Variants in PDS5A observed in about 807,000 individuals in gnomAD.
PDS5A encodes PDS5 cohesin associated factor A, also known as sister chromatid cohesion protein PDS5 homolog A.
A neutral mutation model predicts 167.1 loss-of-function variants in PDS5A; 42 were observed. That is an observed-to-expected ratio of 0.25 (90% CI 0.20 to 0.33). The LOEUF (loss-of-function observed/expected upper bound fraction) is 0.33. PDS5A is among the 10% of genes least tolerant of loss of function. The pLI is 1.00. For missense variants in PDS5A, 1,033 were observed against 1,605.9 expected (o/e 0.64, Z 6.10); for synonymous variants, 553 against 554.6 (o/e 1.00, Z 0.04).
At chr4:39,851,923 G>A (rs1163198032) in intron 26 of PDS5A, among the ~76,000 whole-genome samples, 1 of 152,168 alleles carries the variant, frequency 6.6e-6, no homozygotes, top group Non-Finnish European at 1.5e-5. Context: ...AGTTTTAGGG[G>A]ATAAGGTGAG....
intron 31 of PDS5A, among the ~76,000 whole-genome samples, chr4:39,839,575 T>C (rs1417268611): frequency 6.6e-6 from 1 of 151,810 alleles, no homozygotes; most frequent in African/African-American, 2.4e-5. Context: ...TCTCAAAAAG[T>C]ATCCTCATGT....
In PDS5A at chr4:39,917,158, A is replaced by G; in HGVS notation, c.766T>C (p.Ser256Pro). 1 of 1,567,324 alleles carries G rather than the reference A, an allele frequency of 6.4e-7. No homozygotes were observed. Among genetic ancestry groups the G allele is most frequent in the Non-Finnish European group, 8.6e-7 (1 of 1,161,766 alleles). ...FFNQVLVLGR[S>P]SVSDLSEHVF... The stretch of plus-strand genomic sequence containing the variant: ...TGTTCTGACAAATCACTTACTGATG[A>G]TCTTCCCAGCACCAGGACTTGATTG... The change falls in exon 8 of 33, where the codon TCA (serine) becomes CCA (proline). Residue 256 changes from serine to proline, a missense_variant. Transcript: ENST00000303538.
At chr4:39,918,614 G>A (rs959319866) in intron 7 of PDS5A, among the ~76,000 whole-genome samples, 3 of 152,164 alleles carry the variant, frequency 2.0e-5, no homozygotes, top group African/African-American at 7.2e-5. Context: ...AGTACTTTGG[G>A]AGTCTGGGGC....
intron 2 of PDS5A, chr4:39,973,619 C>T (rs1730781449): frequency 6.2e-6 from 8 of 1,295,322 alleles, no homozygotes; most frequent in East Asian, 2.3e-5. Flanking sequence ...GAAGAAGCCA[C>T]TAAAGCAGTT....
chr4:39,863,792 G>A (rs1417499269), intron 23 of PDS5A, among the ~76,000 whole-genome samples: 6 of 152,132 alleles, frequency 3.9e-5, no homozygotes, highest in Admixed American at 2.6e-4. Context: ...TACATCAGGA[G>A]CTGTATCCCT....
chr4:39,962,348 G>T (rs1221375384), intron 2 of PDS5A, among the ~76,000 whole-genome samples: 1 of 151,950 alleles, frequency 6.6e-6, no homozygotes, highest in Non-Finnish European at 1.5e-5. Context: ...AAGCCACCGC[G>T]CCCGGCCTCT....
rs1723805465 is a variant in PDS5A at position 39,910,671 on chromosome 4, C to A, written c.993-333G>T. 2.0e-5 allele frequency among the ~76,000 whole-genome samples: 3 copies of A among 152,178 alleles called. No individual in the cohort carries two copies. The South Asian group carries it at 6.2e-4, about 32-fold the overall frequency. Reference sequence around the variant, plus strand: ...ATTATGCTACAAAGTAAAAAATATTCAAAACACACAAAATCAGTTTGAAGA... The same window carrying A: ...ATTATGCTACAAAGTAAAAAATATTAAAAACACACAAAATCAGTTTGAAGA... On this transcript the variant is annotated intron_variant, in intron 9 of 32. Transcript: ENST00000303538.
intron 23 of PDS5A, 75 bp downstream of exon 23, chr4:39,866,786 T>C (rs905228451): frequency 1.7e-5 from 22 of 1,289,822 alleles, no homozygotes; most frequent in Non-Finnish European, 2.3e-5. Context: ...TCAGTATTCA[T>C]TAGGTAAATA....
intron 6 of PDS5A, 91 bp downstream of exon 6, chr4:39,922,531 G>A: frequency 9.0e-7 from 1 of 1,109,514 alleles, no homozygotes; most frequent in Middle Eastern, 2.2e-4. Context: ...ACAATTACAT[G>A]GGATTGCAAA....
chr4:39,969,035 A>C (rs1434660290), intron 2 of PDS5A, among the ~76,000 whole-genome samples: 1 of 152,216 alleles, frequency 6.6e-6, no homozygotes, highest in African/African-American at 2.4e-5. Flanking sequence ...TAGGCATCCC[A>C]AAGTGCTGGG....
intron 9 of PDS5A, among the ~76,000 whole-genome samples, chr4:39,910,697 A>G (rs752051422): frequency 3.3e-4 from 50 of 152,286 alleles, no homozygotes; most frequent in Non-Finnish European, 4.6e-4. Flanking sequence ...AGTTTGAAGA[A>G]TAAGTTTATA....
intron 17 of PDS5A, among the ~76,000 whole-genome samples, chr4:39,881,896 C>T (rs1458948075): frequency 6.6e-6 from 1 of 152,178 alleles, no homozygotes; most frequent in Non-Finnish European, 1.5e-5. Context: ...GGGGCAGTTT[C>T]CTCCATATTG....
chr4:39,902,771 C>T (rs1217353322), intron 12 of PDS5A, among the ~76,000 whole-genome samples: 1 of 152,126 alleles, frequency 6.6e-6, no homozygotes, highest in Non-Finnish European at 1.5e-5. Flanking sequence ...AATCCGCCTG[C>T]CTTAGCGTCC....
chr4:39,942,986 T>C (rs1022996673), intron 2 of PDS5A, among the ~76,000 whole-genome samples: 2 of 152,058 alleles, frequency 1.3e-5, no homozygotes, highest in African/African-American at 4.8e-5. Context: ...CCCTACACAC[T>C]AAGACATATG....
chr4:39,955,414 C>T (rs1000144311), intron 2 of PDS5A, among the ~76,000 whole-genome samples: 5 of 151,828 alleles, frequency 3.3e-5, no homozygotes, highest in African/African-American at 1.2e-4. Flanking sequence ...CCAGCCTGAC[C>T]AACATGGTGA....
At chr4:39,879,157 T>C (rs1057071370) in intron 18 of PDS5A, among the ~76,000 whole-genome samples, 4 of 152,116 alleles carry the variant, frequency 2.6e-5, no homozygotes, top group African/African-American at 9.7e-5. Context: ...CATGTCTCTT[T>C]GCCTTCAATT....
Position 39,867,334 on chromosome 4 carries a change from T to C in PDS5A, c.2506-337A>G, listed in dbSNP as rs1051783606. ...AGTCTGGTTCCAGAATTTAGGCTTC[T>C]CATACTTAGATGTTTGTGCAAGATT... On this transcript the variant is annotated intron_variant, in intron 22 of 32. Coordinates refer to ENST00000303538, the MANE Select transcript of PDS5A (RefSeq NM_001100399.2). Among the ~76,000 whole-genome samples, 20 of 152,232 alleles carry C rather than the reference T, an allele frequency of 1.3e-4. 1 individual carries two copies. The South Asian group carries it at 2.9e-3, about 22-fold the overall frequency.
chr4:39,917,033 A>G lies in PDS5A; in HGVS notation c.876+15T>C, dbSNP rs1236124099. On this transcript the variant is annotated intron_variant, in intron 8 of 32. Coordinates refer to ENST00000303538, the MANE Select transcript of PDS5A (RefSeq NM_001100399.2). ...AAAAAATTAAAAAAAAAAAAAGAAA[A>G]CTGGTCAATCTTACCTTTAGTTTGA... is the stretch of plus-strand genomic sequence containing the variant. 7.1e-7 allele frequency: 1 copy of G among 1,414,508 alleles called. No homozygotes were observed. The highest frequency in any genetic ancestry group is 2.8e-5 in the East Asian group (1 of 35,504). 87.6% of individuals were successfully genotyped at this position (1,414,508 alleles called of 1,614,324 possible). A position where few individuals can be genotyped will look rare whatever the true frequency, so the allele number is the denominator to read the frequency against.
chr4:39,878,271 T>C (rs191255904), intron 18 of PDS5A, among the ~76,000 whole-genome samples: 2 of 152,060 alleles, frequency 1.3e-5, no homozygotes, highest in East Asian at 1.9e-4. Context: ...TTACAGAAAA[T>C]TGGAGAATTA....
Sources: gnomAD v4.1 joint callset for allele counts (sites outside exome capture counted in the v4.1 genomes callset) on GRCh38, gnomAD v4.1.1 for gene constraint, MANE v1.5 for transcripts, NCBI Gene and HGNC (gene_info 2026-07-23, HGNC 2026-07-21) for gene names.